NDUFA10: variants seen among roughly 807,000 people sequenced by gnomAD.
The protein encoded by NDUFA10 is NADH dehydrogenase [ubiquinone] 1 alpha subcomplex subunit 10, mitochondrial.
A neutral mutation model predicts 47.8 loss-of-function variants in NDUFA10; 40 were observed. The ratio of observed to expected loss-of-function variants is 0.84; its 90% CI spans 0.65 to 1.09. NDUFA10 has a LOEUF of 1.09. NDUFA10 is among the 50% of genes least tolerant of loss of function. The pLI is 0.00. For synonymous variants in NDUFA10, 183 were observed against 172.2 expected (o/e 1.06, Z -0.49); for missense variants, 413 against 451.1 (o/e 0.92, Z 0.76).
intron 4 of NDUFA10, among the ~76,000 whole-genome samples, chr2:239,921,761 A>T (rs188814932): frequency 1.2e-3 from 184 of 152,206 alleles, no homozygotes; most frequent in African/African-American, 4.4e-3. Flanking sequence ...CTATGGATGG[A>T]GCTCCAGTTC....
At chr2:239,977,866 A>G (rs1695592003) in intron 9 of NDUFA10, among the ~76,000 whole-genome samples, 1 of 152,184 alleles carries the variant, frequency 6.6e-6, no homozygotes, top group African/African-American at 2.4e-5. Flanking sequence ...CTACGCTCGC[A>G]GCACCCTGGA....
At chr2:240,021,925 T>C (rs1379744648) in intron 2 of NDUFA10, among the ~76,000 whole-genome samples, 2 of 152,212 alleles carry the variant, frequency 1.3e-5, no homozygotes, top group African/African-American at 4.8e-5. Context: ...CCACATAAAA[T>C]TCCAATTCAA....
Position 240,021,191 on chromosome 2 carries a change from C to T in NDUFA10, c.460+6G>A, listed in dbSNP as rs1697602610. The stretch of plus-strand genomic sequence containing the variant: ...GAACAGATCTAACTGCCCAGAAATA[C>T]TGCACCTGTGGTCAGCAAGTGCTCC... On this transcript the variant is annotated splice_donor_region_variant and intron_variant, in intron 3 of 9. Transcript: ENST00000252711. The T allele has an allele frequency of 6.2e-7, 1 of 1,611,384 alleles. No individual in the cohort carries two copies. Among genetic ancestry groups the T allele is most frequent in the African/African-American group, 1.3e-5 (1 of 74,866 alleles).
At chr2:239,998,623 G>C (rs1487917465) in intron 8 of NDUFA10, among the ~76,000 whole-genome samples, 1 of 152,184 alleles carries the variant, frequency 6.6e-6, no homozygotes, top group African/African-American at 2.4e-5. Flanking sequence ...GGGAGTTATG[G>C]AGAACACCTG....
rs761622546 is a variant in NDUFA10 at position 239,961,226 on chromosome 2, G to C, written c.1000-40C>G. 6 of 1,613,856 alleles carry C rather than the reference G, an allele frequency of 3.7e-6. No homozygotes were observed. The East Asian group carries it at 1.1e-4, about 30-fold the overall frequency. On this transcript the variant is annotated intron_variant, in intron 9 of 9. Coordinates refer to ENST00000252711, the MANE Select transcript of NDUFA10 (RefSeq NM_004544.4). The stretch of plus-strand genomic sequence containing the variant: ...GGCATTGGTGCATTCTGTTTAACGT[G>C]AATGAATGTTTCCCCAGCTCATAGT...
At chr2:239,952,707 T>G (rs889267094), downstream of NDUFA10, among the ~76,000 whole-genome samples, 10 of 152,080 alleles carry the variant, frequency 6.6e-5, no homozygotes, top group Admixed American at 1.3e-4. Context: ...TGTCCACCTC[T>G]CCCCACGGTG....
chr2:239,992,756 G>A (rs974459856), intron 8 of NDUFA10, among the ~76,000 whole-genome samples: 4 of 152,260 alleles, frequency 2.6e-5, no homozygotes, highest in Admixed American at 2.0e-4. Context: ...ATATGAACAA[G>A]ACTGAAAAAT....
chr2:239,920,430 G>A (rs908216149), intron 4 of NDUFA10, among the ~76,000 whole-genome samples: 1 of 152,210 alleles, frequency 6.6e-6, no homozygotes, highest in East Asian at 1.9e-4. Context: ...TGGAGGCTGA[G>A]GCCCCAGGGA....
chr2:239,962,548 C>T (rs1031003518), intron 9 of NDUFA10, among the ~76,000 whole-genome samples: 2 of 152,202 alleles, frequency 1.3e-5, no homozygotes, highest in Non-Finnish European at 2.9e-5. Flanking sequence ...CCCAGAAAGC[C>T]TCTCCTCTCC....
rs759493677 is a variant in NDUFA10 at position 240,005,222 on chromosome 2, T to C, written c.878A>G (p.His293Arg). 3.7e-6 allele frequency: 6 copies of C among 1,613,858 alleles called. No homozygotes were observed. The highest frequency in any genetic ancestry group is 5.1e-6 in the Non-Finnish European group (6 of 1,179,816). The change falls in exon 8 of 10, where the codon CAC (histidine) becomes CGC (arginine). Residue 293 changes from histidine to arginine, a missense_variant. Transcript: ENST00000252711. ...CAGATGCACTTACAGTAATCGCAGG[T>C]GGTATAAAGTGCGATTGTCCTGCTT... is the stretch of plus-strand genomic sequence containing the variant. Reference protein sequence around the residue: ...WLKQDNRTLYHLRLLVQDKFE... With the variant: ...WLKQDNRTLYRLRLLVQDKFE...
chr2:240,021,123 G>A (rs1559407434), intron 3 of NDUFA10, 74 bp downstream of exon 3: 1 of 1,282,522 alleles, frequency 7.8e-7, no homozygotes, highest in African/African-American at 1.5e-5. Flanking sequence ...TCGACTCAGT[G>A]GCAATTTAAC....
At chr2:239,969,090 G>T (rs913469135) in intron 9 of NDUFA10, among the ~76,000 whole-genome samples, 4 of 152,166 alleles carry the variant, frequency 2.6e-5, no homozygotes, top group Admixed American at 2.6e-4. Flanking sequence ...AATTTGCAAC[G>T]TATGGCAAAG....
chr2:239,940,404 C>A (rs1018597586), intron 4 of NDUFA10, among the ~76,000 whole-genome samples: 2 of 152,176 alleles, frequency 1.3e-5, no homozygotes, highest in Non-Finnish European at 2.9e-5. Context: ...CTATTCCCAG[C>A]CTGGGGACAG....
intron 4 of NDUFA10, among the ~76,000 whole-genome samples, chr2:239,936,935 G>A (rs896805607): frequency 3.9e-5 from 6 of 152,168 alleles, no homozygotes; most frequent in African/African-American, 1.4e-4. Flanking sequence ...ACTCCAGCCT[G>A]GGTGACAGAG....
chr2:239,947,240 C>T (rs758294608), intron 4 of NDUFA10, among the ~76,000 whole-genome samples: 5 of 152,316 alleles, frequency 3.3e-5, no homozygotes, highest in Middle Eastern at 3.4e-3. Flanking sequence ...AGCAGGCATC[C>T]GAGCCTGGGA....
chr2:239,959,596 C>CT lies in NDUFA10; in HGVS notation c.*1521dup. Reference sequence around the variant, plus strand: ...ACTCCAATTCAAAACTCCTGGGAAACTTTATTTTCAAATTCTTAAAACAAG... The same window carrying CT: ...ACTCCAATTCAAAACTCCTGGGAAACTTTTATTTTCAAATTCTTAAAACAAG... On this transcript the variant is annotated 3_prime_UTR_variant, in exon 10 of 10. Coordinates refer to ENST00000252711, the MANE Select transcript of NDUFA10 (RefSeq NM_004544.4). 1 of 985,648 alleles carries CT rather than the reference C, an allele frequency of 1.0e-6. No individual in the cohort carries two copies. Among genetic ancestry groups the CT allele is most frequent in the East Asian group, 1.1e-4 (1 of 8,806 alleles). 61.1% of individuals were successfully genotyped at this position (985,648 alleles called of 1,614,324 possible).
In NDUFA10 at chr2:239,911,666, A is replaced by AGTGTGTGTGTGT. The variant is rs1271984352; in HGVS notation, c.295-16353_295-16352insACACACACACAC. Among the ~76,000 whole-genome samples, 508 of 86,316 alleles carry AGTGTGTGTGTGT rather than the reference A, an allele frequency of 5.9e-3. 4 individuals are homozygous for AGTGTGTGTGTGT. Among genetic ancestry groups the AGTGTGTGTGTGT allele is most frequent in the African/African-American group, 0.021 (480 of 23,128 alleles). 56.6% of individuals were successfully genotyped at this position (86,316 alleles called of 152,430 possible). On this transcript the variant is annotated intron_variant, in intron 4 of 5. Coordinates refer to the NDUFA10 transcript ENST00000419408. The stretch of plus-strand genomic sequence containing the variant: ...AGCCCAGCCCAGACACCAAAACATG[A>AGTGTGTGTGTGT]GAGAGTGTGTGTGCGTGTGTGTGTG...
intron 4 of NDUFA10, among the ~76,000 whole-genome samples, chr2:239,917,944 C>G (rs1693904170): frequency 6.6e-6 from 1 of 152,194 alleles, no homozygotes; most frequent in Non-Finnish European, 1.5e-5. Flanking sequence ...GAGCAGCACC[C>G]CCAGCCCTGG....
intron 6 of NDUFA10, among the ~76,000 whole-genome samples, chr2:240,011,224 T>C (rs938486912): frequency 6.6e-6 from 1 of 152,258 alleles, no homozygotes; most frequent in Non-Finnish European, 1.5e-5. Flanking sequence ...AAGTGTTATC[T>C]TTCATGAATT....
Sources: allele counts gnomAD v4.1 joint callset (sites outside exome capture counted in the v4.1 genomes callset), GRCh38; gene constraint gnomAD v4.1.1; transcripts MANE v1.5; gene names NCBI Gene and HGNC (gene_info 2026-07-23, HGNC 2026-07-21).